Variants in SYNE1 observed in about 807,000 individuals in gnomAD.
SYNE1 encodes spectrin repeat containing nuclear envelope protein 1.
Under a neutral mutation model 1,111.0 loss-of-function variants are expected in SYNE1, and 616 were observed. The observed-to-expected ratio is 0.55, with a 90% confidence interval of 0.52 to 0.59. The LOEUF is 0.59. Among genes scored for constraint, SYNE1 ranks in the 20% least tolerant of loss-of-function variants. The pLI, the probability that SYNE1 is intolerant of heterozygous loss-of-function variation, is 0.00. For missense variants in SYNE1, 10,006 were observed against 10,417.0 expected, an observed-to-expected ratio of 0.96 and a Z score of 1.72; for synonymous variants, 3,855 against 3,825.8, an observed-to-expected ratio of 1.01 and a Z score of -0.28.
At chr6:152,141,407 A>C (rs957143872) in intron 138 of SYNE1, 78 bp from the exon 139 acceptor site, 6 of 1,588,796 alleles carry the variant, frequency 3.8e-6, no homozygotes, top group Non-Finnish European at 5.1e-6. Context: ...ATCTCTTTGT[A>C]ATTTCTCAGC....
intron 108 of SYNE1, among the ~76,000 whole-genome samples, chr6:152,237,805 T>C (rs2084566840): frequency 6.6e-6 from 1 of 152,012 alleles, no homozygotes. Context: ...GTTCAGACTT[T>C]TATTTTATTT....
At chr6:152,221,589 A>C (rs373506311) in intron 117 of SYNE1, 30 bp from the exon 118 acceptor site, 1 of 1,613,150 alleles carries the variant, frequency 6.2e-7, no homozygotes, top group African/African-American at 1.3e-5. Context: ...CATAGATGAC[A>C]TAACAGGATC....
intron 2 of SYNE1, 52 bp downstream of exon 2, chr6:152,636,586 C>T (rs1583877370): frequency 1.3e-5 from 2 of 152,940 alleles, no homozygotes; most frequent in East Asian, 3.9e-4. Context: ...CCTCTCTCTC[C>T]TCTCCCTGTC....
At position 152,136,939 on chromosome 6, in the gene SYNE1, G is replaced by A. The variant is rs2813566; in HGVS notation, c.25459-121C>T. 0.29 allele frequency: 309,313 copies of A among 1,065,856 alleles called. 47,520 individuals carry two copies. The highest frequency in any genetic ancestry group is 0.44 in the Admixed American group (22,345 of 51,058). 66.0% of individuals were successfully genotyped at this position (1,065,856 alleles called of 1,614,324 possible). On this transcript the variant is annotated intron_variant, in intron 140 of 145. Coordinates refer to ENST00000367255, the MANE Select transcript of SYNE1 (RefSeq NM_182961.4). The stretch of plus-strand genomic sequence containing the variant: ...TAAACTGGCCTTAACAGGATGGCTA[G>A]GTAAAAGACAGAGGGTGCGTACCAC...
chr6:152,269,151 T>C lies in SYNE1; in HGVS notation c.18705+4A>G, dbSNP rs1441396544. On this transcript the variant is annotated splice_donor_region_variant and intron_variant, in intron 99 of 145. Transcript: ENST00000367255. ...AAGCTAGAGAGAGGTAGGAAACACT[T>C]TACTTTTTGTTGCTGGAGACTGCTC... 5.0e-6 allele frequency: 8 copies of C among 1,614,084 alleles called. No individual in the cohort carries two copies. The South Asian group carries it at 8.8e-5, about 18-fold the overall frequency.
intron 84 of SYNE1, among the ~76,000 whole-genome samples, chr6:152,320,856 C>T (rs2095854694): frequency 6.6e-6 from 1 of 152,164 alleles, no homozygotes; most frequent in Non-Finnish European, 1.5e-5. Context: ...CCCTTTCCTC[C>T]AACATCTTCA....
At chr6:152,474,011 C>T (rs1355917714) in intron 14 of SYNE1, among the ~76,000 whole-genome samples, 1 of 152,002 alleles carries the variant, frequency 6.6e-6, no homozygotes, top group African/African-American at 2.4e-5. Flanking sequence ...TGGTGAAACC[C>T]CGTCTCTACT....
At chr6:152,573,034 C>T (rs865804800) in intron 3 of SYNE1, among the ~76,000 whole-genome samples, 1 of 152,066 alleles carries the variant, frequency 6.6e-6, no homozygotes, top group Admixed American at 6.6e-5. Flanking sequence ...AATTAGATAA[C>T]ACCTTGTTGA....
intron 126 of SYNE1, among the ~76,000 whole-genome samples, chr6:152,203,561 T>A (rs1224451662): frequency 6.6e-6 from 1 of 152,178 alleles, no homozygotes; most frequent in Non-Finnish European, 1.5e-5. Context: ...TCATGTTCCA[T>A]CTTCCTTCAC....
In SYNE1 at chr6:152,340,882, G is replaced by T. The variant is rs561725179; in HGVS notation, c.12226-1516C>A. Among the ~76,000 whole-genome samples, 187 of 152,300 alleles carry T rather than the reference G, an allele frequency of 1.2e-3. 1 individual carries two copies. The highest frequency in any genetic ancestry group is 4.5e-3 in the African/African-American group (186 of 41,570). On this transcript the variant is annotated intron_variant, in intron 74 of 145. Coordinates refer to ENST00000367255, the MANE Select transcript of SYNE1 (RefSeq NM_182961.4). ...CTGCAGGGATCAGATGAACCATGAAGATGGCCTGACAGGGGGTGGTGGCTG... is the reference window on the plus strand; with the variant it reads ...CTGCAGGGATCAGATGAACCATGAATATGGCCTGACAGGGGGTGGTGGCTG...
At chr6:152,325,557 AT>A (rs765473288) in intron 80 of SYNE1, among the ~76,000 whole-genome samples, 2 of 152,270 alleles carry the variant, frequency 1.3e-5, no homozygotes, top group East Asian at 1.9e-4. Flanking sequence ...TTGAGATGAC[AT>A]TTTTTTCATT....
At chr6:152,184,006 T>G (rs1157797184) in intron 128 of SYNE1, among the ~76,000 whole-genome samples, 1 of 152,218 alleles carries the variant, frequency 6.6e-6, no homozygotes, top group East Asian at 1.9e-4. Context: ...TCCTTTCATT[T>G]GGAAATTATT....
chr6:152,235,930 T>C (rs1309727810), intron 110 of SYNE1, among the ~76,000 whole-genome samples, 177 bp downstream of exon 110: 1 of 151,938 alleles, frequency 6.6e-6, no homozygotes. Context: ...TTTGTAGAGA[T>C]TGGGGTCTTA....
chr6:152,277,107 G>T (rs1244823452), intron 98 of SYNE1, among the ~76,000 whole-genome samples: 2 of 151,338 alleles, frequency 1.3e-5, no homozygotes, highest in Non-Finnish European at 1.5e-5. Flanking sequence ...AGCCAGGATG[G>T]TCTCCATCTC....
intron 46 of SYNE1, among the ~76,000 whole-genome samples, chr6:152,403,353 G>T (rs2097849651): frequency 6.6e-6 from 1 of 152,172 alleles, no homozygotes; most frequent in South Asian, 2.1e-4. Flanking sequence ...GAGGTTTATA[G>T]TGGTGATCCC....
intron 104 of SYNE1, among the ~76,000 whole-genome samples, chr6:152,253,826 T>G (rs1476887850): frequency 3.5e-5 from 2 of 57,266 alleles, no homozygotes; most frequent in African/African-American, 1.4e-4. Flanking sequence ...TGGTTTTTTT[T>G]TTTTTTTTTT....
intron 103 of SYNE1, among the ~76,000 whole-genome samples, 182 bp downstream of exon 103, chr6:152,255,409 T>C (rs932329791): frequency 2.0e-5 from 3 of 152,250 alleles, no homozygotes; most frequent in African/African-American, 4.8e-5. Flanking sequence ...TTTTCCCTCA[T>C]ACTTACACAA....
intron 11 of SYNE1, among the ~76,000 whole-genome samples, chr6:152,496,420 C>A (rs1333144830): frequency 6.6e-6 from 1 of 152,154 alleles, no homozygotes; most frequent in Non-Finnish European, 1.5e-5. Context: ...AACTGGATGT[C>A]CTGGTTCCTC....
rs572776294 is a variant in SYNE1 at position 152,326,135 on chromosome 6, C to T, written c.15294-33G>A. On this transcript the variant is annotated intron_variant, in intron 79 of 145. Coordinates refer to ENST00000367255, the MANE Select transcript of SYNE1 (RefSeq NM_182961.4). ...GAGTCCAACAGAAACTGATAAGTAGCACGAAATCACGTATTTCTACACGAA... is the reference window on the plus strand; with the variant it reads ...GAGTCCAACAGAAACTGATAAGTAGTACGAAATCACGTATTTCTACACGAA... The T allele has an allele frequency of 1.9e-5, 30 of 1,614,018 alleles. No individual in the cohort carries two copies. In the Admixed American group the frequency reaches 4.7e-4, roughly 25 times the overall value.
Sources: allele counts gnomAD v4.1 joint callset (sites outside exome capture counted in the v4.1 genomes callset), GRCh38; gene constraint gnomAD v4.1.1; transcripts MANE v1.5; gene names NCBI Gene and HGNC (gene_info 2026-07-23, HGNC 2026-07-21).